TRPM6: variants seen among roughly 807,000 people sequenced by gnomAD.
TRPM6 encodes the protein transient receptor potential cation channel subfamily M member 6.
TRPM6 carries 111 observed loss-of-function variants against 247.6 expected under a neutral mutation model. That is an observed-to-expected ratio of 0.45 (90% CI 0.38 to 0.52). TRPM6 has a LOEUF of 0.52. Ranked by LOEUF, TRPM6 falls within the 20% of genes least tolerant of loss-of-function variation. TRPM6 has a pLI of 0.00. For synonymous variants in TRPM6, 892 were observed against 853.8 expected, an observed-to-expected ratio of 1.04 and a Z score of -0.78; for missense variants, 2,126 against 2,421.5, an observed-to-expected ratio of 0.88 and a Z score of 2.56.
intron 5 of TRPM6, among the ~76,000 whole-genome samples, chr9:74,838,725 G>A (rs141095676): frequency 2.0e-3 from 305 of 150,784 alleles, no homozygotes; most frequent in Non-Finnish European, 3.6e-3. Context: ...TTGGCATCTC[G>A]TGTAGATCTT....
chr9:74,783,774 GA>G (rs1221773355), intron 21 of TRPM6, among the ~76,000 whole-genome samples: 1 of 152,134 alleles, frequency 6.6e-6, no homozygotes. Context: ...TGTCAAATAG[GA>G]AAAATCTTTG....
chr9:74,751,205 T>A (rs1826232474), intron 29 of TRPM6, among the ~76,000 whole-genome samples: 1 of 152,222 alleles, frequency 6.6e-6, no homozygotes, highest in African/African-American at 2.4e-5. Flanking sequence ...CTCATTTGAT[T>A]TCCTACTCAA....
In TRPM6 at chr9:74,722,993, T is replaced by C. The variant is rs370584800; in HGVS notation, c.*1620A>G. The C allele has an allele frequency of 3.3e-5, 5 of 152,208 alleles. No homozygotes were observed. The highest frequency in any genetic ancestry group is 1.2e-4 in the African/African-American group (5 of 41,450). The allele number at this position is 152,208 out of a possible 1,614,324, so 9.4% of individuals were successfully genotyped here. A position where few individuals can be genotyped will look rare whatever the true frequency, so the allele number is the denominator to read the frequency against. On this transcript the variant is annotated 3_prime_UTR_variant, in exon 39 of 39. Coordinates refer to ENST00000360774, the MANE Select transcript of TRPM6 (RefSeq NM_017662.5). Reference sequence around the variant, plus strand: ...AATTTTTCAAACCCAGGAGGTTTGCTGCCTGTGAACTGGAACAGCTTATAA... The same window carrying C: ...AATTTTTCAAACCCAGGAGGTTTGCCGCCTGTGAACTGGAACAGCTTATAA...
At chr9:74,817,223 T>C (rs1828966085) in intron 9 of TRPM6, among the ~76,000 whole-genome samples, 1 of 152,252 alleles carries the variant, frequency 6.6e-6, no homozygotes, top group Non-Finnish European at 1.5e-5. Flanking sequence ...ATTTACTATG[T>C]ACATGCTACA....
Position 74,723,293 on chromosome 9 carries a change from T to C in TRPM6, c.*1320A>G, listed in dbSNP as rs1296270116. 2 of 152,122 alleles carry C rather than the reference T, an allele frequency of 1.3e-5. No homozygotes were observed. Among genetic ancestry groups the C allele is most frequent in the East Asian group, 3.9e-4 (2 of 5,190 alleles). 9.4% of individuals were successfully genotyped at this position (152,122 alleles called of 1,614,324 possible). On this transcript the variant is annotated 3_prime_UTR_variant, in exon 39 of 39. Transcript: ENST00000360774. ...TGCTCTGGAAGGAAGCAAACACCTG[T>C]GAAACATGTTTTCAGTCTGAAACCG...
intron 25 of TRPM6, 44 bp from the exon 26 acceptor site, chr9:74,763,178 A>T: frequency 6.3e-7 from 1 of 1,586,514 alleles, no homozygotes. Flanking sequence ...ACATTAAGCC[A>T]GTGGGAATTT....
intron 12 of TRPM6, among the ~76,000 whole-genome samples, chr9:74,811,921 A>T (rs1736581408): frequency 6.6e-6 from 1 of 152,226 alleles, no homozygotes; most frequent in Admixed American, 6.5e-5. Flanking sequence ...TCAGCAAGAG[A>T]GAACTGAGCT....
At chr9:74,783,963 T>C (rs932358452) in intron 21 of TRPM6, among the ~76,000 whole-genome samples, 5 of 152,028 alleles carry the variant, frequency 3.3e-5, no homozygotes, top group African/African-American at 4.8e-5. Context: ...AACAGCCAGA[T>C]GGAAAAAGCC....
chr9:74,784,948 T>C (rs1432473941), intron 21 of TRPM6, among the ~76,000 whole-genome samples: 7 of 152,034 alleles, frequency 4.6e-5, no homozygotes, highest in African/African-American at 1.4e-4. Context: ...CCTGTCTATA[T>C]AAATAATAAA....
At chr9:74,834,265 T>C in intron 5 of TRPM6, 143 bp from the exon 6 acceptor site, 1 of 935,942 alleles carries the variant, frequency 1.1e-6, no homozygotes, top group South Asian at 1.4e-5. Flanking sequence ...AATTAGTTTC[T>C]GATACCTTGG....
rs553506626 is a variant in TRPM6, at chr9:74,742,043, C to G, written c.5200+518G>C. ...CTTGCTCATGTCTTATCCTGCCAGA[C>G]AGAGAAATTTTGATAGCTTTAGCCA... On this transcript the variant is annotated intron_variant, in intron 33 of 38. Coordinates refer to ENST00000360774, the MANE Select transcript of TRPM6 (RefSeq NM_017662.5). 1.3e-3 allele frequency among the ~76,000 whole-genome samples: 205 copies of G among 152,288 alleles called. 1 individual carries two copies. The highest frequency in any genetic ancestry group is 4.7e-3 in the African/African-American group (197 of 41,570).
chr9:74,755,133 C>A lies in TRPM6; in HGVS notation c.4906+220G>T, dbSNP rs373818965. Among the ~76,000 whole-genome samples, 7 of 152,164 alleles carry A rather than the reference C, an allele frequency of 4.6e-5. 1 individual carries two copies. The East Asian group carries it at 5.8e-4, about 13-fold the overall frequency. ...TTTGAATACAAGAGACTATCTAAAT[C>A]TTAATTTTTCTTTTCTGGAGTCCTT... On this transcript the variant is annotated intron_variant, in intron 28 of 38. Coordinates refer to ENST00000360774, the MANE Select transcript of TRPM6 (RefSeq NM_017662.5).
chr9:74,822,338 T>C (rs1256884629), intron 7 of TRPM6, among the ~76,000 whole-genome samples: 1 of 152,088 alleles, frequency 6.6e-6, no homozygotes, highest in African/African-American at 2.4e-5. Context: ...CAGCCTCGAC[T>C]TACCAGGCTC....
chr9:74,851,003 C>T (rs1830290125), intron 3 of TRPM6, among the ~76,000 whole-genome samples: 1 of 152,178 alleles, frequency 6.6e-6, no homozygotes, highest in Non-Finnish European at 1.5e-5. Context: ...GGAGAGATAA[C>T]TCATTATGCT....
rs182248000 is a variant in TRPM6 at position 74,829,722 on chromosome 9, A to T, written c.670-1773T>A. 7.0e-4 allele frequency among the ~76,000 whole-genome samples: 106 copies of T among 152,338 alleles called. 2 individuals carry two copies. Among genetic ancestry groups the T allele is most frequent in the Non-Finnish European group, 5.9e-4 (40 of 68,026 alleles). ...AAAAGGAAAATAATTGAGAGATTTAATACATATTTTGTATTTATTTTAAAA... is the reference window on the plus strand; with the variant it reads ...AAAAGGAAAATAATTGAGAGATTTATTACATATTTTGTATTTATTTTAAAA... On this transcript the variant is annotated intron_variant, in intron 6 of 38. Transcript: ENST00000360774.
At chr9:74,864,468 G>T (rs1830783801) in intron 1 of TRPM6, among the ~76,000 whole-genome samples, 1 of 152,138 alleles carries the variant, frequency 6.6e-6, no homozygotes, top group South Asian at 2.1e-4. Context: ...CAGAAAAACA[G>T]CATCCAGGCT....
intron 36 of TRPM6, among the ~76,000 whole-genome samples, chr9:74,735,906 A>T (rs965120419): frequency 2.6e-5 from 4 of 152,186 alleles, no homozygotes; most frequent in Non-Finnish European, 5.9e-5. Flanking sequence ...CTGAAAGAAT[A>T]AACTGCTCGA....
intron 31 of TRPM6, among the ~76,000 whole-genome samples, chr9:74,745,225 G>A (rs1825995775): frequency 6.6e-6 from 1 of 152,200 alleles, no homozygotes; most frequent in Middle Eastern, 3.2e-3. Context: ...TAAAGTGTAT[G>A]GGCATCTGAG....
At chr9:74,750,927 G>A (rs1226938951) in intron 29 of TRPM6, among the ~76,000 whole-genome samples, 1 of 152,058 alleles carries the variant, frequency 6.6e-6, no homozygotes, top group African/African-American at 2.4e-5. Context: ...GTGTGTTGAT[G>A]GACTTTAACA....
Sources: allele counts gnomAD v4.1 joint callset (sites outside exome capture counted in the v4.1 genomes callset), GRCh38; gene constraint gnomAD v4.1.1; transcripts MANE v1.5; gene names NCBI Gene and HGNC (gene_info 2026-07-23, HGNC 2026-07-21).